LCMT2: variants seen among roughly 807,000 people sequenced by gnomAD.
LCMT2 encodes leucine carboxyl methyltransferase 2.
LCMT2 carries 34 observed loss-of-function variants against 42.0 expected under a neutral mutation model. That is an observed-to-expected ratio of 0.81 (90% CI 0.62 to 1.08). The LOEUF (loss-of-function observed/expected upper bound fraction) is 1.08, where lower values mean the gene tolerates loss of function less well. Ranked by LOEUF, LCMT2 falls within the 50% of genes least tolerant of loss-of-function variation. The pLI is 0.00. For missense variants in LCMT2, 1,091 were observed against 889.4 expected, an observed-to-expected ratio of 1.23 and a Z score of -2.88; for synonymous variants, 445 against 369.5, an observed-to-expected ratio of 1.20 and a Z score of -2.34.
At position 43,328,213 on chromosome 15, in the gene LCMT2, G is replaced by A. The variant is rs1366976618; in HGVS notation, c.*216C>T. On this transcript the variant is annotated 3_prime_UTR_variant, in exon 1 of 1. Transcript: ENST00000305641. Reference sequence around the variant, plus strand: ...TTAGAGGCAGACCACTACTCCTCTCGGACTGCATGGCCACTGTCTTCAGCT... The same window carrying A: ...TTAGAGGCAGACCACTACTCCTCTCAGACTGCATGGCCACTGTCTTCAGCT... 88 of 550,778 alleles carry A rather than the reference G, an allele frequency of 1.6e-4. No individual in the cohort carries two copies. The highest frequency in any genetic ancestry group is 2.5e-4 in the South Asian group (10 of 40,564). The allele number at this position is 550,778 out of a possible 1,614,324, so 34.1% of individuals were successfully genotyped here. A position where few individuals can be genotyped will look rare whatever the true frequency, so the allele number is the denominator to read the frequency against.
rs1184166462 is a variant in LCMT2 at position 43,326,033 on chromosome 15, A to ATTTTTTT, written c.*2395_*2396insAAAAAAA. ...TCTTTGTATATATAGATAGATGGATAATTTTTTTTTTTTTTTTTTTTTTTT... is the reference window on the plus strand; with the variant it reads ...TCTTTGTATATATAGATAGATGGATATTTTTTTATTTTTTTTTTTTTTTTTTTTTTTT... On this transcript the variant is annotated 3_prime_UTR_variant, in exon 1 of 1. Coordinates refer to ENST00000305641, the MANE Select transcript of LCMT2 (RefSeq NM_014793.5). 1.0e-5 allele frequency: 1 copy of ATTTTTTT among 95,540 alleles called. No individual in the cohort carries two copies. The highest frequency in any genetic ancestry group is 2.3e-5 in the Non-Finnish European group (1 of 43,870). The allele number at this position is 95,540 out of a possible 1,614,324, so 5.9% of individuals were successfully genotyped here. A position where few individuals can be genotyped will look rare whatever the true frequency, so the allele number is the denominator to read the frequency against.
Position 43,326,893 on chromosome 15 carries a change from G to T in LCMT2, c.*1536C>A, listed in dbSNP as rs1230085678. 1 of 152,220 alleles carries T rather than the reference G, an allele frequency of 6.6e-6. No individual in the cohort carries two copies. Among genetic ancestry groups the T allele is most frequent in the African/African-American group, 2.4e-5 (1 of 41,452 alleles). 9.4% of individuals were successfully genotyped at this position (152,220 alleles called of 1,614,324 possible). A position where few individuals can be genotyped will look rare whatever the true frequency, so the allele number is the denominator to read the frequency against. On this transcript the variant is annotated 3_prime_UTR_variant, in exon 1 of 1. Transcript: ENST00000305641. Reference sequence around the variant, plus strand: ...ATAAAGGATGCAATTTGTCATCAATGATGGTTCATAATAATCATTTAGGCA... The same window carrying T: ...ATAAAGGATGCAATTTGTCATCAATTATGGTTCATAATAATCATTTAGGCA...
In LCMT2 at chr15:43,327,168, T is replaced by C. The variant is rs933465870; in HGVS notation, c.*1261A>G. The stretch of plus-strand genomic sequence containing the variant: ...TAATGGGATGCTAACTATAAGGGGC[T>C]GAGTAGGGTTAAGGGAAACCAAGTC... On this transcript the variant is annotated 3_prime_UTR_variant, in exon 1 of 1. Transcript: ENST00000305641. The C allele has an allele frequency of 6.6e-6, 1 of 152,176 alleles. No homozygotes were observed. Among genetic ancestry groups the C allele is most frequent in the African/African-American group, 2.4e-5 (1 of 41,430 alleles). The allele number at this position is 152,176 out of a possible 1,614,324, so 9.4% of individuals were successfully genotyped here. A position where few individuals can be genotyped will look rare whatever the true frequency, so the allele number is the denominator to read the frequency against.
Position 43,330,058 on chromosome 15 carries a change from G to A in LCMT2, c.432C>T (p.Pro144=), listed in dbSNP as rs1432520697. ...CGCTCTCAAAGCACAGCGCGGACGC[G>A]GGCTCCCCCCTCTCGAAAGGCCCGG... ...ALTGPFERGE[P]ASALCFESAD... is the part of the protein sequence containing the mutation. The change falls in exon 1 of 1, where the codon CCC becomes CCT. Residue 144 remains proline (P), a synonymous_variant. Coordinates refer to ENST00000305641, the MANE Select transcript of LCMT2 (RefSeq NM_014793.5). The A allele has an allele frequency of 1.9e-6, 3 of 1,612,254 alleles. No individual in the cohort carries two copies. The highest frequency in any genetic ancestry group is 2.7e-5 in the African/African-American group (2 of 74,912).
In LCMT2 at chr15:43,330,248, A is replaced by G. The variant is rs1327249544; in HGVS notation, c.242T>C (p.Leu81Pro). The G allele has an allele frequency of 1.9e-6, 3 of 1,605,742 alleles. No homozygotes were observed. The highest frequency in any genetic ancestry group is 2.5e-6 in the Non-Finnish European group (3 of 1,178,616). The change falls in exon 1 of 1, where the codon CTT becomes CCT. Residue 81 changes from leucine to proline, a missense_variant. Coordinates refer to ENST00000305641, the MANE Select transcript of LCMT2 (RefSeq NM_014793.5). ...GCCGAGAGACAAGATCTGCGCGCGA[A>G]GCGCGGCCTGGGGCGCGCCAATCTG... ...LEQIGAPQAA[L>P]RAQILSLGAG...
chr15:43,327,999 C>G lies in LCMT2; in HGVS notation c.*430G>C, dbSNP rs777276355. On this transcript the variant is annotated 3_prime_UTR_variant, in exon 1 of 1. Coordinates refer to ENST00000305641, the MANE Select transcript of LCMT2 (RefSeq NM_014793.5). ...CATGAAGAATTGTCAATACTACGCT[C>G]CCTCAACTATATTCAACCAAGGATC... The G allele has an allele frequency of 1.7e-4, 28 of 168,562 alleles. No homozygotes were observed. Among genetic ancestry groups the G allele is most frequent in the Non-Finnish European group, 3.4e-4 (26 of 76,648 alleles). The allele number at this position is 168,562 out of a possible 1,614,324, so 10.4% of individuals were successfully genotyped here. A position where few individuals can be genotyped will look rare whatever the true frequency, so the allele number is the denominator to read the frequency against.
At position 43,329,258 on chromosome 15, in the gene LCMT2, CCA is replaced by C; in HGVS notation, c.1230_1231del (p.Gly411SerfsTer42). 2 of 1,614,056 alleles carry C rather than the reference CCA, an allele frequency of 1.2e-6. No homozygotes were observed. Among genetic ancestry groups the C allele is most frequent in the African/African-American group, 1.3e-5 (1 of 75,066 alleles). Reference sequence around the variant, plus strand: ...ATAAAGGCGTCCATCCCACTGAACTCCAGTCCCACAACTGCCTATTTGGCTGC... The same window carrying C: ...ATAAAGGCGTCCATCCCACTGAACTCGTCCCACAACTGCCTATTTGGCTGC... On this transcript the variant is annotated frameshift_variant, in exon 1 of 1. Transcript: ENST00000305641. LOFTEE classifies it high-confidence loss of function.
rs767164774 is a variant in LCMT2, at chr15:43,328,448, G to A, written c.2042C>T (p.Ser681Phe). 5.0e-6 allele frequency: 8 copies of A among 1,613,914 alleles called. No homozygotes were observed. The highest frequency in any genetic ancestry group is 6.8e-6 in the Non-Finnish European group (8 of 1,179,914). The change falls in exon 1 of 1, where the codon TCC (serine) becomes TTC (phenylalanine). Residue 681 changes from serine to phenylalanine, a missense_variant. By Grantham distance (155) the Ser-to-Phe change is radical (BLOSUM62 -2). Transcript: ENST00000305641. ...CAGTCCTTACTGCCCAGCACTTAAG[G>A]AAGAAAGGTCTAATGTGACTGTATG... ...NPHTVTLDLS[S>F]LSAGQ
At position 43,328,841 on chromosome 15, in the gene LCMT2, C is replaced by G; in HGVS notation, c.1649G>C (p.Gly550Ala). The change falls in exon 1 of 1, where the codon GGA becomes GCA. Residue 550 changes from glycine to alanine, a missense_variant. By Grantham distance (60) the Gly-to-Ala change is moderately conservative. Transcript: ENST00000305641. ...CTWQGGALIA[G>A]GLGASEEPLN... ...TGGCTCCTCAGAAGCCCCGAGACCT[C>G]CAGCAATAAGGGCTCCCCCTTGCCA... is the stretch of plus-strand genomic sequence containing the variant. 2 of 1,613,724 alleles carry G rather than the reference C, an allele frequency of 1.2e-6. No homozygotes were observed. The highest frequency in any genetic ancestry group is 1.7e-6 in the Non-Finnish European group (2 of 1,180,014).
rs1245395384 is a variant in LCMT2 at position 43,330,096 on chromosome 15, G to C, written c.394C>G (p.Leu132Val). Residue 132 changes from leucine to valine, a missense_variant, in exon 1 of 1, where the codon CTG becomes GTG. By Grantham distance (32) the Leu-to-Val change is conservative. Coordinates refer to ENST00000305641, the MANE Select transcript of LCMT2 (RefSeq NM_014793.5). ...KAERIGETPE[L>V]CALTGPFERG... ...TCGAAAGGCCCGGTTAACGCGCACA[G>C]CTCTGGCGTCTCTCCAATCCTTTCT... 1 of 1,611,926 alleles carries C rather than the reference G, an allele frequency of 6.2e-7. No homozygotes were observed. Among genetic ancestry groups the C allele is most frequent in the Non-Finnish European group, 8.5e-7 (1 of 1,179,940 alleles).
chr15:43,329,474 C>T lies in LCMT2; in HGVS notation c.1016G>A (p.Gly339Glu). Residue 339 changes from glycine to glutamate, a missense_variant, in exon 1 of 1, where the codon GGG (glycine) becomes GAG (glutamate). Gly to Glu is a moderately conservative substitution (Grantham distance 98). Transcript: ENST00000305641. Reference sequence around the variant, plus strand: ...ACTGACTACGCTGGCAGGGAATACCCCTGAAGGCGAAGCAGGATTTACGCG... The same window carrying T: ...ACTGACTACGCTGGCAGGGAATACCTCTGAAGGCGAAGCAGGATTTACGCG... ...FPRVNPASPS[G>E]VFPASVVSSE... 1 of 1,614,154 alleles carries T rather than the reference C, an allele frequency of 6.2e-7. No homozygotes were observed. The highest frequency in any genetic ancestry group is 8.5e-7 in the Non-Finnish European group (1 of 1,180,040).
At position 43,328,815 on chromosome 15, in the gene LCMT2, A is replaced by G. The variant is rs765937643; in HGVS notation, c.1675T>C (p.Leu559=). Residue 559 remains leucine (L), a synonymous_variant, in exon 1 of 1, where the codon TTG becomes CTG. Coordinates refer to ENST00000305641, the MANE Select transcript of LCMT2 (RefSeq NM_014793.5). The stretch of plus-strand genomic sequence containing the variant: ...GGTCTCAGAAAGAGCACAGAGTTCA[A>G]TGGCTCCTCAGAAGCCCCGAGACCT... The part of the protein sequence containing the change: ...AGGLGASEEP[L]NSVLFLRPIS... The G allele has an allele frequency of 1.9e-6, 3 of 1,613,556 alleles. No homozygotes were observed. Among genetic ancestry groups the G allele is most frequent in the Non-Finnish European group, 2.5e-6 (3 of 1,180,024 alleles).
Position 43,328,278 on chromosome 15 carries a change from T to C in LCMT2, c.*151A>G. 2 of 805,364 alleles carry C rather than the reference T, an allele frequency of 2.5e-6. No individual in the cohort carries two copies. The highest frequency in any genetic ancestry group is 5.2e-5 in the East Asian group (2 of 38,384). 49.9% of individuals were successfully genotyped at this position (805,364 alleles called of 1,614,324 possible). A position where few individuals can be genotyped will look rare whatever the true frequency, so the allele number is the denominator to read the frequency against. On this transcript the variant is annotated 3_prime_UTR_variant, in exon 1 of 1. Transcript: ENST00000305641. The stretch of plus-strand genomic sequence containing the variant: ...TTGTTTCTAGGTATTTTACCTATTT[T>C]ACCAACCTTTTTCACTTTTTGCACT...
At position 43,330,474 on chromosome 15, in the gene LCMT2, G is replaced by T; in HGVS notation, c.16C>A (p.Arg6Ser). The change falls in exon 1 of 1, where the codon CGT becomes AGT. Residue 6 changes from arginine to serine, a missense_variant. Transcript: ENST00000305641. MGPRS[R>S]ERRAGAVQNT... ...TGTACCGCGCCTGCCCGACGCTCAC[G>T]GCTCCGGGGGCCCATGGCCAGAAGA... 1 of 1,522,060 alleles carries T rather than the reference G, an allele frequency of 6.6e-7. No individual in the cohort carries two copies. Among genetic ancestry groups the T allele is most frequent in the Non-Finnish European group, 8.8e-7 (1 of 1,140,048 alleles). The allele number at this position is 1,522,060 out of a possible 1,614,324, so 94.3% of individuals were successfully genotyped here.
At position 43,330,099 on chromosome 15, in the gene LCMT2, C is replaced by T. The variant is rs1376163927; in HGVS notation, c.391G>A (p.Glu131Lys). ...RKAERIGETP[E>K]LCALTGPFER... ...AAAGGCCCGGTTAACGCGCACAGCT[C>T]TGGCGTCTCTCCAATCCTTTCTGCT... The change falls in exon 1 of 1, where the codon GAG becomes AAG. Residue 131 changes from glutamate to lysine, a missense_variant. Coordinates refer to ENST00000305641, the MANE Select transcript of LCMT2 (RefSeq NM_014793.5). 1.2e-6 allele frequency: 2 copies of T among 1,612,062 alleles called. No homozygotes were observed. Among genetic ancestry groups the T allele is most frequent in the Admixed American group, 1.7e-5 (1 of 60,036 alleles).
In LCMT2 at chr15:43,329,119, A is replaced by G. The variant is rs773593991; in HGVS notation, c.1371T>C (p.Asn457=). ...TTGTCACTTTCAGGTCCTCAGTGTTATTATCCTCACTCTTAAAAAAATGAA... is the reference window on the plus strand; with the variant it reads ...TTGTCACTTTCAGGTCCTCAGTGTTGTTATCCTCACTCTTAAAAAAATGAA... ...LQLHFFKSED[N]NTEDLKVTIT... The change falls in exon 1 of 1, where the codon AAT becomes AAC. Residue 457 remains asparagine (N), a synonymous_variant. Transcript: ENST00000305641. The G allele has an allele frequency of 5.0e-6, 8 of 1,614,028 alleles. No individual in the cohort carries two copies. In the South Asian group the frequency reaches 5.5e-5, roughly 11 times the overall value.
chr15:43,330,290 A>T lies in LCMT2; in HGVS notation c.200T>A (p.Val67Glu), dbSNP rs1409447457. Residue 67 changes from valine to glutamate, a missense_variant, in exon 1 of 1, where the codon GTG becomes GAG. Coordinates refer to ENST00000305641, the MANE Select transcript of LCMT2 (RefSeq NM_014793.5). Reference protein sequence around the residue: ...YVRARAVRHCVRAFLEQIGAP... With the variant: ...YVRARAVRHCERAFLEQIGAP... ...GCCAATCTGCTCCAAAAAAGCGCGC[A>T]CGCAGTGCCTCACGGCGCGTGCGCG... is the stretch of plus-strand genomic sequence containing the variant. 6.3e-7 allele frequency: 1 copy of T among 1,593,654 alleles called. No homozygotes were observed. The highest frequency in any genetic ancestry group is 2.2e-5 in the East Asian group (1 of 44,760).
Position 43,329,815 on chromosome 15 carries a change from G to A in LCMT2, c.675C>T (p.Asp225=). ...FVVYEQMRPQ[D]AFGQFMLQHF... is the part of the protein sequence containing the mutation. ...GTTGCAGCATGAACTGGCCAAAGGC[G>A]TCTTGAGGCCTCATCTGCTCATAGA... is the stretch of plus-strand genomic sequence containing the variant. Residue 225 remains aspartate, a synonymous_variant, in exon 1 of 1, where the codon GAC becomes GAT. Coordinates refer to ENST00000305641, the MANE Select transcript of LCMT2 (RefSeq NM_014793.5). The A allele has an allele frequency of 6.2e-7, 1 of 1,613,944 alleles. No individual in the cohort carries two copies.
At position 43,330,285 on chromosome 15, in the gene LCMT2, CGCGCACGCA is replaced by C; in HGVS notation, c.196_204del (p.Cys66_Arg68del). ...GGCGCGCCAATCTGCTCCAAAAAAG[CGCGCACGCA>C]GTGCCTCACGGCGCGTGCGCGGACG... On this transcript the variant is annotated inframe_deletion, in exon 1 of 1. Coordinates refer to ENST00000305641, the MANE Select transcript of LCMT2 (RefSeq NM_014793.5). 6.3e-7 allele frequency: 1 copy of C among 1,595,022 alleles called. No homozygotes were observed. Among genetic ancestry groups the C allele is most frequent in the Middle Eastern group, 1.7e-4 (1 of 5,984 alleles).
Sources: allele counts gnomAD v4.1 joint callset, GRCh38; gene constraint gnomAD v4.1.1; transcripts MANE v1.5; gene names NCBI Gene and HGNC (gene_info 2026-07-23, HGNC 2026-07-21).